Variants in PJVK observed in about 807,000 individuals in gnomAD.
PJVK encodes the protein autosomal recessive deafness type 59 protein.
Under a neutral mutation model 37.6 loss-of-function variants are expected in PJVK, and 33 were observed. The ratio of observed to expected loss-of-function variants is 0.88; its 90% confidence interval spans 0.67 to 1.17. The LOEUF is 1.17. Ranked by LOEUF, PJVK falls within the 50% of genes most tolerant of loss-of-function variation. PJVK has a pLI of 0.00. For missense variants in PJVK, 410 were observed against 413.8 expected, an observed-to-expected ratio of 0.99 and a Z score of 0.08; for synonymous variants, 141 against 143.5, an observed-to-expected ratio of 0.98 and a Z score of 0.13.
chr2:178,456,357 T>A, intron 4 of PJVK: 1 of 620,990 alleles, frequency 1.6e-6, no homozygotes, highest in Non-Finnish European at 2.8e-6. Flanking sequence ...TGTAATATAA[T>A]GCAAAAACAG....
chr2:178,458,716 A>G, intron 5 of PJVK, 89 bp downstream of exon 5: 2 of 1,059,190 alleles, frequency 1.9e-6, no homozygotes, highest in Non-Finnish European at 2.9e-6. Context: ...CTTTTCTCTC[A>G]TTTCTCGTGT....
At chr2:178,460,504 A>G in intron 6 of PJVK, 58 bp downstream of exon 6, 2 of 1,467,556 alleles carry the variant, frequency 1.4e-6, no homozygotes, top group Non-Finnish European at 1.9e-6. Flanking sequence ...GGCTTAACAC[A>G]TGAGGTTTTC....
Position 178,457,352 on chromosome 2 carries a change from A to G in PJVK, c.550-1158A>G, listed in dbSNP as rs187239671. ...TATTAGCGGCAAGGTGCAGTGGATC[A>G]TGCCTGTAATCCCAGTGCTTAGGAA... On this transcript the variant is annotated intron_variant, in intron 4 of 6. Coordinates refer to ENST00000644580, the MANE Select transcript of PJVK (RefSeq NM_001042702.5). Among the ~76,000 whole-genome samples the G allele has an allele frequency of 3.9e-5, 6 of 152,364 alleles. No individual in the cohort carries two copies. In the East Asian group the frequency reaches 1.2e-3, roughly 29 times the overall value.
chr2:178,455,289 T>G, intron 3 of PJVK: 1 of 1,399,582 alleles, frequency 7.1e-7, no homozygotes, highest in Non-Finnish European at 1.0e-6. Flanking sequence ...ACTCACATCA[T>G]GGTGGAAAAG....
At position 178,462,087 on chromosome 2, in the gene PJVK, AG is replaced by A. The variant is rs1464500716; in HGVS notation, c.*814del. 1.3e-5 allele frequency among the ~76,000 whole-genome samples: 2 copies of A among 152,234 alleles called. No homozygotes were observed. The highest frequency in any genetic ancestry group is 4.8e-5 in the African/African-American group (2 of 41,458). On this transcript the variant is annotated 3_prime_UTR_variant, in exon 7 of 7. Coordinates refer to ENST00000644580, the MANE Select transcript of PJVK (RefSeq NM_001042702.5). ...TGTTTAATTGCAGTATCAAATTAAA[AG>A]CACACTGAACTCAACATGGGGTTTT...
At chr2:178,455,283 A>G (rs879032634) in intron 3 of PJVK, 4 of 1,414,020 alleles carry the variant, frequency 2.8e-6, no homozygotes, top group Non-Finnish European at 3.0e-6. Flanking sequence ...AGTGAGACTC[A>G]CATCATGGTG....
intron 4 of PJVK, among the ~76,000 whole-genome samples, chr2:178,457,513 G>C (rs886979090): frequency 6.6e-6 from 1 of 152,210 alleles, no homozygotes; most frequent in African/African-American, 2.4e-5. Flanking sequence ...CTACTCGGAA[G>C]GCTGAGGCAG....
intron 6 of PJVK, 30 bp downstream of exon 6, chr2:178,460,476 C>CTTTTTTTTTTTTTTTTTTTTTTTTTTTT: frequency 7.0e-7 from 1 of 1,436,564 alleles, no homozygotes; most frequent in African/African-American, 1.4e-5. Context: ...CTGTGAATGT[C>CTTTTTTTTTTTTTTTTTTTTTTTTTTTT]TTTTTTTTTT....
At chr2:178,460,614 A>G (rs1260696165) in intron 6 of PJVK, among the ~76,000 whole-genome samples, 168 bp downstream of exon 6, 3 of 152,062 alleles carry the variant, frequency 2.0e-5, no homozygotes, top group Non-Finnish European at 4.4e-5. Flanking sequence ...AGGCCAGGGC[A>G]GGCAGATTGC....
intron 6 of PJVK, 101 bp downstream of exon 6, chr2:178,460,547 T>A (rs920979666): frequency 1.6e-5 from 19 of 1,167,600 alleles, no homozygotes; most frequent in Non-Finnish European, 2.2e-5. Context: ...AGGAAAAATT[T>A]AAATTTAAAA....
chr2:178,460,577 T>C, intron 6 of PJVK, 131 bp downstream of exon 6: 1 of 858,238 alleles, frequency 1.2e-6, no homozygotes. Context: ...GTATGGTGGC[T>C]CATGCCTATA....
chr2:178,457,599 G>A (rs1267940880), intron 4 of PJVK, among the ~76,000 whole-genome samples: 2 of 107,512 alleles, frequency 1.9e-5, no homozygotes, highest in East Asian at 4.2e-4. Context: ...TTGTGCTGGG[G>A]AAGATGTAGC....
intron 5 of PJVK, 108 bp from the exon 6 acceptor site, chr2:178,460,240 C>T (rs1403551595): frequency 1.0e-6 from 1 of 984,526 alleles, no homozygotes; most frequent in Non-Finnish European, 1.5e-6. Flanking sequence ...TAAAAGTCAA[C>T]TTTTAAAAAC....
intron 4 of PJVK, among the ~76,000 whole-genome samples, chr2:178,457,678 CCGGGGCCA>C (rs994601944): frequency 1.3e-5 from 2 of 152,152 alleles, no homozygotes; most frequent in Admixed American, 6.5e-5. Flanking sequence ...AACTAGGGGC[CCGGGGCCA>C]CGGGCTCAGC....
At chr2:178,451,918 T>C (rs960135513) in intron 1 of PJVK, 149 bp downstream of exon 1, 1 of 855,974 alleles carries the variant, frequency 1.2e-6, no homozygotes, top group Non-Finnish European at 1.4e-6. Context: ...TGCTAGGCAC[T>C]AGCAGAAATG....
At chr2:178,451,937 T>A (rs933836149) in intron 1 of PJVK, 168 bp downstream of exon 1, 32 of 711,774 alleles carry the variant, frequency 4.5e-5, no homozygotes, top group Non-Finnish European at 5.2e-5. Flanking sequence ...TGCTCCCCTG[T>A]GCTTACTCGG....
chr2:178,460,015 A>G (rs1684381905), intron 5 of PJVK: 1 of 230,032 alleles, frequency 4.3e-6, no homozygotes, highest in Non-Finnish European at 8.8e-6. Context: ...ATAATTTTAT[A>G]CACATACATG....
In PJVK at chr2:178,460,352, T is replaced by C; in HGVS notation, c.672T>C (p.Leu224=). The C allele has an allele frequency of 6.2e-7, 1 of 1,613,866 alleles. No individual in the cohort carries two copies. The highest frequency in any genetic ancestry group is 1.1e-5 in the South Asian group (1 of 91,074). The change falls in exon 6 of 7, where the codon CTT becomes CTC. Residue 224 remains leucine (L), a synonymous_variant. Coordinates refer to ENST00000644580, the MANE Select transcript of PJVK (RefSeq NM_001042702.5). ...LFIYLDGAFD[L]CVTSVSKGGF... ...TTCTAACAATTTTTTTTGTAGACCT[T>C]TGTGTCACTTCAGTGTCAAAAGGAG...
At chr2:178,456,386 G>T (rs186456386) in intron 4 of PJVK, 5 of 553,348 alleles carry the variant, frequency 9.0e-6, no homozygotes, top group Admixed American at 6.1e-5. Context: ...GTGAAATTAC[G>T]TGCATACTGG....
Sources: gnomAD v4.1 joint callset for allele counts (sites outside exome capture counted in the v4.1 genomes callset) on GRCh38, gnomAD v4.1.1 for gene constraint, MANE v1.5 for transcripts, NCBI Gene and HGNC (gene_info 2026-07-23, HGNC 2026-07-21) for gene names.